Variants in STAT5B observed in about 807,000 individuals in gnomAD.
The protein encoded by STAT5B is signal transducer and activator of transcription 5B.
Under a neutral mutation model 107.8 loss-of-function variants are expected in STAT5B, and 21 were observed. That is an observed-to-expected ratio of 0.19 (90% CI 0.14 to 0.28). STAT5B has a LOEUF of 0.28. Ranked by LOEUF, STAT5B falls within the 10% of genes least tolerant of loss-of-function variation. STAT5B has a pLI of 1.00. For synonymous variants in STAT5B, 325 were observed against 401.7 expected (o/e 0.81, Z 2.28); for missense variants, 565 against 1,008.2 (o/e 0.56, Z 5.95).
chr17:42,285,725 T>A, the STAT5B span, among the ~76,000 whole-genome samples: 1 of 152,202 alleles, frequency 6.6e-6, no homozygotes. Context: ...TACAGTCACC[T>A]CTTCCCAACC....
intron 16 of STAT5B, among the ~76,000 whole-genome samples, chr17:42,206,938 G>A (rs1301593397): frequency 1.3e-5 from 2 of 149,360 alleles, no homozygotes; most frequent in East Asian, 2.0e-4. Context: ...GTGTGGTGGC[G>A]TGGTCTCAGC....
At chr17:42,275,247 T>G (rs1301063620) in intron 1 of STAT5B, 1 of 152,154 alleles carries the variant, frequency 6.6e-6, no homozygotes, top group African/African-American at 2.4e-5. Flanking sequence ...TTGACCCACT[T>G]TTGGCACTAT....
intron 12 of STAT5B, among the ~76,000 whole-genome samples, chr17:42,214,782 C>T (rs999900221): frequency 4.6e-5 from 7 of 152,106 alleles, no homozygotes; most frequent in Non-Finnish European, 1.0e-4. Context: ...CAGGGTGTCG[C>T]TTTGTCACCC....
rs555823181 is a variant in STAT5B, at chr17:42,245,226, C to A, written c.-10-13089G>T. ...CCGAATAGCTGGGACTACAGGCACG[C>A]GCCACCATGCCCAGCTAATTTTTGT... On this transcript the variant is annotated intron_variant, in intron 1 of 18. Transcript: ENST00000293328. Among the ~76,000 whole-genome samples the A allele has an allele frequency of 2.8e-3, 431 of 151,430 alleles. 7 individuals carry two copies. Among genetic ancestry groups the A allele is most frequent in the Admixed American group, 0.027 (411 of 15,174 alleles).
intron 16 of STAT5B, 61 bp from the exon 17 acceptor site, chr17:42,202,869 T>C: frequency 1.3e-6 from 2 of 1,590,984 alleles, no homozygotes; most frequent in Non-Finnish European, 1.7e-6. Context: ...GTGATCTTCC[T>C]TATGAATCAC....
chr17:42,217,971 G>T, intron 9 of STAT5B, 180 bp downstream of exon 9: 16 of 1,070,714 alleles, frequency 1.5e-5, no homozygotes, highest in Non-Finnish European at 2.2e-5. Context: ...CTCTTAAAGT[G>T]CTTGGATTAC....
intron 1 of STAT5B, among the ~76,000 whole-genome samples, chr17:42,263,871 GCACACACACACACACACA>G (rs3222522): frequency 9.0e-5 from 13 of 144,936 alleles, no homozygotes; most frequent in African/African-American, 1.8e-4. Flanking sequence ...TAGAAAGCGC[GCACACACACACACACACA>G]CACACACACA....
intron 1 of STAT5B, among the ~76,000 whole-genome samples, chr17:42,253,974 C>T (rs1056851669): frequency 1.3e-5 from 2 of 152,062 alleles, no homozygotes; most frequent in East Asian, 1.9e-4. Flanking sequence ...TCTGATGGTT[C>T]CGAATCTACC....
chr17:42,287,039 C>G, the STAT5B span, among the ~76,000 whole-genome samples: 2 of 152,198 alleles, frequency 1.3e-5, no homozygotes, highest in South Asian at 2.1e-4. Context: ...CCCTGGGGCC[C>G]CCTGCAGAGC....
chr17:42,282,638 C>A, the STAT5B span, among the ~76,000 whole-genome samples: 1 of 152,188 alleles, frequency 6.6e-6, no homozygotes, highest in African/African-American at 2.4e-5. Context: ...CCGCACCGGG[C>A]CTGTGACTGG....
intron 1 of STAT5B, among the ~76,000 whole-genome samples, chr17:42,247,581 G>A (rs2080462126): frequency 6.6e-6 from 1 of 152,162 alleles, no homozygotes; most frequent in East Asian, 1.9e-4. Flanking sequence ...GTTGTGGGGT[G>A]TCCTACTACC....
chr17:42,267,956 C>T (rs2080688430), intron 1 of STAT5B, among the ~76,000 whole-genome samples: 1 of 135,944 alleles, frequency 7.4e-6, no homozygotes, highest in African/African-American at 2.8e-5. Flanking sequence ...AAGACTCCAT[C>T]TCAAAAAAAA....
upstream of STAT5B, among the ~76,000 whole-genome samples, chr17:42,280,369 G>C (rs1035978415): frequency 2.0e-5 from 3 of 152,010 alleles, no homozygotes; most frequent in Non-Finnish European, 4.4e-5. Flanking sequence ...GCTTTCAGAG[G>C]GGGCAGCTTC....
intron 1 of STAT5B, among the ~76,000 whole-genome samples, chr17:42,246,458 T>C (rs1351743533): frequency 2.0e-5 from 3 of 152,164 alleles, no homozygotes; most frequent in Admixed American, 1.3e-4. Flanking sequence ...CTTAAATGTG[T>C]TTTCAAATAG....
chr17:42,251,993 C>T (rs535569160), intron 1 of STAT5B, among the ~76,000 whole-genome samples: 73 of 139,338 alleles, frequency 5.2e-4, no homozygotes, highest in African/African-American at 1.7e-3. Context: ...AGCAAGGCTC[C>T]GTCTCAAAAA....
chr17:42,210,108 T>C, intron 15 of STAT5B, 63 bp downstream of exon 15: 2 of 1,612,906 alleles, frequency 1.2e-6, no homozygotes, highest in Middle Eastern at 1.7e-4. Flanking sequence ...ACTAAATTAT[T>C]TGTTAAAATA....
chr17:42,215,769 C>T (rs912658023), intron 12 of STAT5B, among the ~76,000 whole-genome samples: 8 of 152,100 alleles, frequency 5.3e-5, no homozygotes, highest in African/African-American at 1.4e-4. Context: ...CAGGCATGTG[C>T]CACCACACCC....
Position 42,217,380 on chromosome 17 carries a change from A to C in STAT5B, c.1254T>G (p.Asn418Lys). 6.2e-7 allele frequency: 1 copy of C among 1,614,188 alleles called. No individual in the cohort carries two copies. The highest frequency in any genetic ancestry group is 1.1e-5 in the South Asian group (1 of 91,092). Residue 418 changes from asparagine (N) to lysine (K), a missense_variant, in exon 10 of 19, where the codon AAT becomes AAG. Transcript: ENST00000293328. ...CTTCCTCTTCTTCCACCCTCACCAT[A>C]TTCCTGAAGTGGGCACTAAGGGTGC... ...ATGTLSAHFRNMSLKRIKRSD... is the reference protein window; with the variant it reads ...ATGTLSAHFRKMSLKRIKRSD...
chr17:42,273,219 GA>G (rs903254565), intron 1 of STAT5B, among the ~76,000 whole-genome samples: 23 of 142,750 alleles, frequency 1.6e-4, no homozygotes, highest in Non-Finnish European at 2.0e-4. Context: ...CACTGCAGGA[GA>G]AAAAAAAAAA....
Sources: allele counts gnomAD v4.1 joint callset (sites outside exome capture counted in the v4.1 genomes callset), GRCh38; gene constraint gnomAD v4.1.1; transcripts MANE v1.5; gene names NCBI Gene and HGNC (gene_info 2026-07-23, HGNC 2026-07-21).